The following DPEP2 variants were observed in gnomAD, a reference collection of about 807,000 sequenced individuals.
DPEP2 encodes dipeptidase 2.
DPEP2 carries 45 observed loss-of-function variants against 51.8 expected under a neutral mutation model. The ratio of observed to expected loss-of-function variants is 0.87; its 90% CI spans 0.68 to 1.11. The LOEUF (loss-of-function observed/expected upper bound fraction) is 1.11. DPEP2 is among the 50% of genes most tolerant of loss of function. The probability of loss-of-function intolerance (pLI) is 0.00; values close to 1 mark genes in which losing one functional copy is unlikely to be tolerated. For synonymous variants in DPEP2, 255 were observed against 262.7 expected, an observed-to-expected ratio of 0.97 and a Z score of 0.28; for missense variants, 604 against 631.9, an observed-to-expected ratio of 0.96 and a Z score of 0.47.
intron 9 of DPEP2, among the ~76,000 whole-genome samples, chr16:67,988,970 C>T (rs1032517221): frequency 1.2e-4 from 18 of 151,718 alleles, no homozygotes; most frequent in African/African-American, 3.6e-4. Flanking sequence ...AGAAGGAGGA[C>T]GAGGAAGAAA....
chr16:67,992,782 C>T (rs2032334307), intron 2 of DPEP2, 146 bp from the exon 3 acceptor site: 2 of 1,487,986 alleles, frequency 1.3e-6, no homozygotes, highest in Admixed American at 2.2e-5. Flanking sequence ...GCTAGGAGTG[C>T]CCACCCAAGA....
intron 1 of DPEP2, among the ~76,000 whole-genome samples, chr16:67,996,651 G>A (rs2032714406): frequency 1.3e-5 from 2 of 151,872 alleles, no homozygotes; most frequent in East Asian, 3.9e-4. Flanking sequence ...CAAAGCGCTG[G>A]GATTATAGGT....
chr16:67,989,000 G>T lies in DPEP2; in HGVS notation c.1070+323C>A, dbSNP rs571528142. On this transcript the variant is annotated intron_variant, in intron 9 of 10. Coordinates refer to ENST00000393847, the MANE Select transcript of DPEP2 (RefSeq NM_022355.4). ...AAGAAAAGGAGAAGGAGAAGGAGAGGAAGAGCTTCTTCAGAAAACAGTGGT... is the reference window on the plus strand; with the variant it reads ...AAGAAAAGGAGAAGGAGAAGGAGAGTAAGAGCTTCTTCAGAAAACAGTGGT... 2.6e-5 allele frequency among the ~76,000 whole-genome samples: 4 copies of T among 152,056 alleles called. No homozygotes were observed. In the South Asian group the frequency reaches 8.3e-4, roughly 32 times the overall value.
intron 1 of DPEP2, among the ~76,000 whole-genome samples, chr16:67,995,900 G>C (rs1218931774): frequency 6.6e-6 from 1 of 152,036 alleles, no homozygotes; most frequent in African/African-American, 2.4e-5. Context: ...GGAGGCAGAG[G>C]TTGCAGTGAG....
chr16:68,000,495 T>G, upstream of DPEP2: 1 of 985,298 alleles, frequency 1.0e-6, no homozygotes, highest in Non-Finnish European at 1.2e-6. Context: ...TCCAAGCCCC[T>G]CTGGTCCTGG....
intron 1 of DPEP2, among the ~76,000 whole-genome samples, chr16:67,997,950 C>T (rs2032795909): frequency 6.6e-6 from 1 of 152,228 alleles, no homozygotes; most frequent in African/African-American, 2.4e-5. Context: ...CCACTGCCAG[C>T]ATCTAGCTAA....
rs2032301938 is a variant in DPEP2 at position 67,992,546 on chromosome 16, G to A, written c.354C>T (p.Ser118=). The change falls in exon 3 of 11, where the codon AGC becomes AGT. Residue 118 remains serine (S), a synonymous_variant. Transcript: ENST00000393847. Reference sequence around the variant, plus strand: ...CGAGGCCATCTCTAAGCCTGTCCAGGCTGGTCTGGCCGTAGCTGAAATTGC... The same window carrying A: ...CGAGGCCATCTCTAAGCCTGTCCAGACTGGTCTGGCCGTAGCTGAAATTGC... The part of the protein sequence containing the change: ...NLRNFSYGQT[S]LDRLRDGLVG... 3 of 1,614,002 alleles carry A rather than the reference G, an allele frequency of 1.9e-6. No homozygotes were observed. The highest frequency in any genetic ancestry group is 2.5e-6 in the Non-Finnish European group (3 of 1,179,984).
chr16:67,992,368 C>T (rs1280238140), intron 3 of DPEP2, 142 bp downstream of exon 3: 1 of 1,445,534 alleles, frequency 6.9e-7, no homozygotes, highest in East Asian at 2.3e-5. Flanking sequence ...CCTCTGCAGC[C>T]CCCAGCATCC....
chr16:67,999,050 A>T (rs1461186834), intron 1 of DPEP2, among the ~76,000 whole-genome samples: 1 of 152,144 alleles, frequency 6.6e-6, no homozygotes, highest in African/African-American at 2.4e-5. Flanking sequence ...CGCAGTGGCT[A>T]CCTGTTCTGG....
At chr16:67,993,576 C>G in intron 1 of DPEP2, 2 of 1,027,484 alleles carry the variant, frequency 1.9e-6, no homozygotes, top group Non-Finnish European at 2.3e-6. Flanking sequence ...TCTGCTGCCC[C>G]TAGGCTCTCT....
intron 8 of DPEP2, 109 bp downstream of exon 8, chr16:67,989,938 T>C (rs2031915353): frequency 8.1e-6 from 9 of 1,109,904 alleles, no homozygotes; most frequent in Admixed American, 1.9e-5. Context: ...TGCTGTGTAC[T>C]GTCCATCACT....
Position 67,987,489 on chromosome 16 carries a change from C to G in DPEP2, c.*17G>C. 3 of 1,598,164 alleles carry G rather than the reference C, an allele frequency of 1.9e-6. No individual in the cohort carries two copies. On this transcript the variant is annotated 3_prime_UTR_variant, in exon 11 of 11. Transcript: ENST00000393847. ...TGTGGCTTGCTACAGTGACATCTGG[C>G]AGGACTAACTGGGTCATCAGAGCCA... is the stretch of plus-strand genomic sequence containing the variant.
At chr16:67,988,269 G>T (rs1459654422) in intron 9 of DPEP2, among the ~76,000 whole-genome samples, 1 of 152,134 alleles carries the variant, frequency 6.6e-6, no homozygotes, top group Non-Finnish European at 1.5e-5. Context: ...AAATGGCCAG[G>T]TATGGTGGCT....
At chr16:67,992,679 T>A (rs373313122) in intron 2 of DPEP2, 43 bp from the exon 3 acceptor site, 18 of 1,597,294 alleles carry the variant, frequency 1.1e-5, no homozygotes, top group Non-Finnish European at 1.5e-5. Context: ...AACAGACAGA[T>A]GGGCCTCTTA....
chr16:67,991,275 C>A lies in DPEP2; in HGVS notation c.663-91G>T. 7.4e-7 allele frequency: 1 copy of A among 1,346,208 alleles called. No homozygotes were observed. The highest frequency in any genetic ancestry group is 1.3e-5 in the South Asian group (1 of 79,268). 83.4% of individuals were successfully genotyped at this position (1,346,208 alleles called of 1,614,324 possible). A position where few individuals can be genotyped will look rare whatever the true frequency, so the allele number is the denominator to read the frequency against. ...TACCCACCCTCCATCCCTGCACCCCCCTGAAACAAAAACAGGGATCCAAAA... is the reference window on the plus strand; with the variant it reads ...TACCCACCCTCCATCCCTGCACCCCACTGAAACAAAAACAGGGATCCAAAA... On this transcript the variant is annotated intron_variant, in intron 5 of 10. Coordinates refer to ENST00000393847, the MANE Select transcript of DPEP2 (RefSeq NM_022355.4). The surrounding 1 kb of genome is among the most constrained non-coding windows in gnomAD (Gnocchi z 5.1).
In DPEP2 at chr16:67,993,049, G is replaced by A. The variant is rs976384250; in HGVS notation, c.164C>T (p.Pro55Leu). The A allele has an allele frequency of 6.3e-6, 10 of 1,580,334 alleles. No individual in the cohort carries two copies. The highest frequency in any genetic ancestry group is 5.4e-5 in the African/African-American group (4 of 74,158). ...TGTGGTCGAGGGAGCGTAGGTGCCC[G>A]GCATGGTGTGGGCTCTGGGGGCGCC... ...TLGAPRAHTM[P>L]GTYAPSTTLS... The change falls in exon 2 of 11, where the codon CCG becomes CTG. Residue 55 changes from proline to leucine, a missense_variant. Pro to Leu is a moderately conservative substitution (Grantham distance 98). Transcript: ENST00000393847.
In DPEP2 at chr16:67,990,138, G is replaced by A; in HGVS notation, c.910-7C>T. Reference sequence around the variant, plus strand: ...CGACGCCACCGTTCTTCTTCTGCAGGGGCGGGCAAGTGGACACTTAGCCTG... The same window carrying A: ...CGACGCCACCGTTCTTCTTCTGCAGAGGCGGGCAAGTGGACACTTAGCCTG... On this transcript the variant is annotated splice_polypyrimidine_tract_variant and splice_region_variant and intron_variant, in intron 7 of 10. Transcript: ENST00000393847. The A allele has an allele frequency of 6.2e-7, 1 of 1,613,848 alleles. No homozygotes were observed. Among genetic ancestry groups the A allele is most frequent in the Non-Finnish European group, 8.5e-7 (1 of 1,179,910 alleles).
chr16:67,992,542 C>T lies in DPEP2; in HGVS notation c.358G>A (p.Asp120Asn). Residue 120 changes from aspartate to asparagine, a missense_variant, in exon 3 of 11, where the codon GAC (aspartate) becomes AAC (asparagine). Coordinates refer to ENST00000393847, the MANE Select transcript of DPEP2 (RefSeq NM_022355.4). ...CCCACGAGGCCATCTCTAAGCCTGT[C>T]CAGGCTGGTCTGGCCGTAGCTGAAA... Reference protein sequence around the residue: ...RNFSYGQTSLDRLRDGLVGAQ... With the variant: ...RNFSYGQTSLNRLRDGLVGAQ... 1 of 1,614,110 alleles carries T rather than the reference C, an allele frequency of 6.2e-7. No individual in the cohort carries two copies. The highest frequency in any genetic ancestry group is 8.5e-7 in the Non-Finnish European group (1 of 1,179,978).
chr16:67,998,960 CA>C (rs1387145495), intron 1 of DPEP2, among the ~76,000 whole-genome samples: 2 of 152,120 alleles, frequency 1.3e-5, no homozygotes, highest in Non-Finnish European at 2.9e-5. Context: ...AGCACCCTGT[CA>C]AAACAGACCA....
Sources: allele counts gnomAD v4.1 joint callset (sites outside exome capture counted in the v4.1 genomes callset), GRCh38; gene constraint gnomAD v4.1.1; non-coding constraint Gnocchi (gnomAD v3.1); transcripts MANE v1.5; gene names NCBI Gene and HGNC (gene_info 2026-07-23, HGNC 2026-07-21).